Variants in CFAP251 observed in about 807,000 individuals in gnomAD.
The protein encoded by CFAP251 is cilia- and flagella-associated protein 251.
In CFAP251, 93 loss-of-function variants were observed where a neutral mutation model predicts 126.7. The observed-to-expected ratio is 0.73, with a 90% CI of 0.62 to 0.87. The LOEUF (loss-of-function observed/expected upper bound fraction) is 0.87, where lower values mean the gene tolerates loss of function less well. Ranked by LOEUF, CFAP251 falls within the 40% of genes least tolerant of loss-of-function variation. The probability of loss-of-function intolerance (pLI) is 0.00; values close to 1 mark genes in which losing one functional copy is unlikely to be tolerated. For synonymous variants in CFAP251, 503 were observed against 506.9 expected (o/e 0.99, Z 0.10); for missense variants, 1,287 against 1,389.2 (o/e 0.93, Z 1.17).
intron 3 of CFAP251, among the ~76,000 whole-genome samples, chr12:121,925,437 A>G (rs1880371958): frequency 6.6e-6 from 1 of 152,192 alleles, no homozygotes; most frequent in Non-Finnish European, 1.5e-5. Flanking sequence ...TTCCTAAGAC[A>G]TAGTGAGTAC....
In CFAP251 at chr12:121,974,455, C is replaced by T. The variant is rs1036534996; in HGVS notation, c.2772-789C>T. On this transcript the variant is annotated intron_variant, in intron 17 of 21. Coordinates refer to ENST00000288912, the MANE Select transcript of CFAP251 (RefSeq NM_144668.6). The surrounding 1 kb of genome is among the most constrained non-coding windows in gnomAD (Gnocchi z 4.6). Reference sequence around the variant, plus strand: ...GACACTGATGCCAGGGGGGTTAAGTCACCTCCCCAGAATCACACAGCTTGC... The same window carrying T: ...GACACTGATGCCAGGGGGGTTAAGTTACCTCCCCAGAATCACACAGCTTGC... Among the ~76,000 whole-genome samples the T allele has an allele frequency of 2.0e-5, 3 of 152,148 alleles. No individual in the cohort carries two copies. Among genetic ancestry groups the T allele is most frequent in the African/African-American group, 7.2e-5 (3 of 41,424 alleles).
intron 15 of CFAP251, among the ~76,000 whole-genome samples, chr12:121,963,357 G>A (rs1882010901): frequency 6.6e-6 from 1 of 152,052 alleles, no homozygotes; most frequent in African/African-American, 2.4e-5. Flanking sequence ...AGATAAACCA[G>A]GGGTCAGACT....
chr12:121,984,727 TATAA>T (rs1198272826), intron 19 of CFAP251, among the ~76,000 whole-genome samples: 1 of 152,216 alleles, frequency 6.6e-6, no homozygotes, highest in Non-Finnish European at 1.5e-5. Context: ...CCTCTATCTT[TATAA>T]ATGTGTCTTT....
intron 12 of CFAP251, among the ~76,000 whole-genome samples, 196 bp downstream of exon 12, chr12:121,958,718 TG>T (rs1208138913): frequency 6.6e-6 from 1 of 151,558 alleles, no homozygotes; most frequent in Non-Finnish European, 1.5e-5. Context: ...CCCAGCAGGC[TG>T]GATGAGGCGC....
Position 121,958,555 on chromosome 12 carries a change from C to T in CFAP251, c.1981+33C>T, listed in dbSNP as rs567262895. 9.9e-6 allele frequency: 16 copies of T among 1,612,142 alleles called. No homozygotes were observed. In the Admixed American group the frequency reaches 2.5e-4, roughly 25 times the overall value. ...CATCTTATCAGCCTACCATCGGTTC[C>T]ACATGGACAGCCCTGAAAGGGATGG... On this transcript the variant is annotated intron_variant, in intron 12 of 21. Transcript: ENST00000288912.
intron 15 of CFAP251, among the ~76,000 whole-genome samples, chr12:121,964,430 T>C (rs1297628063): frequency 2.0e-5 from 3 of 152,222 alleles, no homozygotes; most frequent in Admixed American, 1.3e-4. Context: ...GAATGAGGGC[T>C]GGCAGACCTC....
intron 5 of CFAP251, among the ~76,000 whole-genome samples, chr12:121,939,080 GGT>G (rs1303995261): frequency 2.0e-5 from 3 of 151,950 alleles, no homozygotes; most frequent in Non-Finnish European, 4.4e-5. Context: ...TAATCAATTT[GGT>G]GTGTTTCCTT....
intron 1 of CFAP251, among the ~76,000 whole-genome samples, chr12:121,920,732 A>G (rs1880135376): frequency 6.6e-6 from 1 of 150,784 alleles, no homozygotes; most frequent in African/African-American, 2.5e-5. Flanking sequence ...GGGTTTCACC[A>G]TGTTGGCCAG....
chr12:122,001,528 T>A lies in CFAP251; in HGVS notation c.3267T>A (p.Asp1089Glu). 1 of 1,614,170 alleles carries A rather than the reference T, an allele frequency of 6.2e-7. No homozygotes were observed. The highest frequency in any genetic ancestry group is 8.5e-7 in the Non-Finnish European group (1 of 1,180,034). The change falls in exon 21 of 22, where the codon GAT becomes GAA. Residue 1089 changes from aspartate (D) to glutamate (E), a missense_variant. Transcript: ENST00000288912. ...ATATGACGGAGGAGGAGATGTTGGA[T>A]TGCTTTGCTTCACTGTTTGGCCTGA... Reference protein sequence around the residue: ...GEHMTEEEMLDCFASLFGLNP... With the variant: ...GEHMTEEEMLECFASLFGLNP...
chr12:121,945,251 T>C (rs1272556486), intron 7 of CFAP251, among the ~76,000 whole-genome samples: 1 of 152,230 alleles, frequency 6.6e-6, no homozygotes, highest in African/African-American at 2.4e-5. Flanking sequence ...CGCTGGTCTC[T>C]CTGTGTTCAC....
At chr12:121,996,287 T>C (rs1439461232) in intron 19 of CFAP251, among the ~76,000 whole-genome samples, 1 of 152,240 alleles carries the variant, frequency 6.6e-6, no homozygotes, top group Non-Finnish European at 1.5e-5. Context: ...TCTTATTCTT[T>C]CTTTGTAAAA....
At chr12:121,929,251 G>A (rs1371417168) in intron 3 of CFAP251, among the ~76,000 whole-genome samples, 2 of 151,172 alleles carry the variant, frequency 1.3e-5, no homozygotes, top group African/African-American at 4.9e-5. Flanking sequence ...AACCCAGGAG[G>A]TGGAGGCTGC....
rs564854953 is a variant in CFAP251, at chr12:121,992,283, C to T, written c.3007-7433C>T. 1.4e-5 allele frequency: 14 copies of T among 985,438 alleles called. No individual in the cohort carries two copies. The East Asian group carries it at 7.9e-4, about 56-fold the overall frequency. The allele number at this position is 985,438 out of a possible 1,614,324, so 61.0% of individuals were successfully genotyped here. On this transcript the variant is annotated intron_variant, in intron 19 of 21. Coordinates refer to ENST00000288912, the MANE Select transcript of CFAP251 (RefSeq NM_144668.6). ...CAAGTAGCAGAACCTGCCTTTTCAA[C>T]GAACACTTGCGAAGTCGGCTCAGGA...
chr12:121,986,296 ATTTTTTTT>A (rs894295977), intron 19 of CFAP251, among the ~76,000 whole-genome samples: 9 of 123,544 alleles, frequency 7.3e-5, no homozygotes, highest in African/African-American at 2.7e-4. Context: ...CTGGCCACGA[ATTTTTTTT>A]TTTTTTTTTT....
At chr12:121,962,400 G>A (rs927828271) in intron 15 of CFAP251, among the ~76,000 whole-genome samples, 2 of 152,190 alleles carry the variant, frequency 1.3e-5, no homozygotes, top group African/African-American at 4.8e-5. Context: ...GGGGCCCTGG[G>A]AAAGTTGCTA....
chr12:121,950,679 T>C (rs1881487868), intron 8 of CFAP251: 2 of 152,086 alleles, frequency 1.3e-5, no homozygotes, highest in South Asian at 4.2e-4. Context: ...TGCCTCAGCT[T>C]CCTGGGTAGC....
intron 15 of CFAP251, among the ~76,000 whole-genome samples, chr12:121,964,501 A>C (rs1472393029): frequency 6.6e-6 from 1 of 152,258 alleles, no homozygotes; most frequent in African/African-American, 2.4e-5. Context: ...GGACTTTTAG[A>C]CACAAAGTTG....
chr12:121,992,743 C>G (rs145690499), intron 19 of CFAP251, among the ~76,000 whole-genome samples: 1 of 151,912 alleles, frequency 6.6e-6, no homozygotes, highest in East Asian at 1.9e-4. Context: ...CCACGCCAAG[C>G]TAATTTGTTG....
chr12:121,968,901 G>A lies in CFAP251; in HGVS notation c.2771+732G>A, dbSNP rs546299590. On this transcript the variant is annotated intron_variant, in intron 17 of 21. Coordinates refer to ENST00000288912, the MANE Select transcript of CFAP251 (RefSeq NM_144668.6). ...TTCCTGTAAGGGCATTTGCTTATGA[G>A]CTCAGAATCTTCCCTAATAAAGAGG... The A allele has an allele frequency of 6.4e-5, 63 of 985,392 alleles. No individual in the cohort carries two copies. The African/African-American group carries it at 9.8e-4, about 15-fold the overall frequency. 61.0% of individuals were successfully genotyped at this position (985,392 alleles called of 1,614,324 possible). A position where few individuals can be genotyped will look rare whatever the true frequency, so the allele number is the denominator to read the frequency against.
Sources: allele counts gnomAD v4.1 joint callset (sites outside exome capture counted in the v4.1 genomes callset), GRCh38; gene constraint gnomAD v4.1.1; non-coding constraint Gnocchi (gnomAD v3.1); transcripts MANE v1.5; gene names NCBI Gene and HGNC (gene_info 2026-07-23, HGNC 2026-07-21).